The following TMEM178B variants were observed in gnomAD, a reference collection of about 807,000 sequenced individuals.
The protein encoded by TMEM178B is transmembrane protein 178B.
Under a neutral mutation model 31.0 loss-of-function variants are expected in TMEM178B, and 5 were observed. That is an observed-to-expected ratio of 0.16 (90% CI 0.08 to 0.34). The LOEUF is 0.34. Among genes scored for constraint, TMEM178B ranks in the 10% least tolerant of loss-of-function variants. The pLI is 1.00. For synonymous variants in TMEM178B, 164 were observed against 164.0 expected (o/e 1.00, Z 0.00); for missense variants, 275 against 400.3 (o/e 0.69, Z 2.67).
intron 2 of TMEM178B, among the ~76,000 whole-genome samples, chr7:141,233,096 C>G (rs1236366324): frequency 6.6e-6 from 1 of 152,166 alleles, no homozygotes; most frequent in Non-Finnish European, 1.5e-5. Context: ...CGATTGAAAC[C>G]TCAATCTTCC....
intron 2 of TMEM178B, among the ~76,000 whole-genome samples, chr7:141,432,760 C>G (rs866752312): frequency 6.6e-6 from 1 of 152,006 alleles, no homozygotes; most frequent in African/African-American, 2.4e-5. Flanking sequence ...TGTTTTTCTC[C>G]CCATTCATGG....
chr7:141,180,463 C>CAAAAAAAAAAAAAAA (rs57969132), intron 1 of TMEM178B, among the ~76,000 whole-genome samples: 6 of 83,266 alleles, frequency 7.2e-5, no homozygotes, highest in African/African-American at 8.9e-5. Context: ...GAGCCCATCT[C>CAAAAAAAAAAAAAAA]AAAAAAAAAA....
chr7:141,342,906 C>T (rs1799543784), intron 2 of TMEM178B, among the ~76,000 whole-genome samples: 1 of 152,180 alleles, frequency 6.6e-6, no homozygotes. Context: ...AACTTCCTGT[C>T]ATTATTTTGT....
At chr7:141,448,808 C>T (rs1339632251) in intron 3 of TMEM178B, among the ~76,000 whole-genome samples, 1 of 152,148 alleles carries the variant, frequency 6.6e-6, no homozygotes, top group Non-Finnish European at 1.5e-5. Flanking sequence ...CCTGAGGTCT[C>T]CTCCTGTCAG....
chr7:141,329,138 A>AG (rs1799249920), intron 2 of TMEM178B, among the ~76,000 whole-genome samples: 1 of 152,152 alleles, frequency 6.6e-6, no homozygotes, highest in East Asian at 1.9e-4. Context: ...AAATTCCCTG[A>AG]GGGGCACATC....
At chr7:141,325,470 A>G (rs914632071) in intron 2 of TMEM178B, among the ~76,000 whole-genome samples, 1 of 152,158 alleles carries the variant, frequency 6.6e-6, no homozygotes, top group African/African-American at 2.4e-5. Flanking sequence ...ACTGTCCCCC[A>G]GGGACCAAAG....
intron 2 of TMEM178B, among the ~76,000 whole-genome samples, chr7:141,377,883 C>G (rs1216708482): frequency 6.6e-6 from 1 of 152,104 alleles, no homozygotes; most frequent in Non-Finnish European, 1.5e-5. Flanking sequence ...CTCCATTTCC[C>G]TTACTGTTAA....
intron 2 of TMEM178B, among the ~76,000 whole-genome samples, chr7:141,303,137 C>A (rs750649635): frequency 5.3e-5 from 8 of 152,128 alleles, no homozygotes; most frequent in Non-Finnish European, 8.8e-5. Flanking sequence ...TTCCTTCCTG[C>A]CAGGCGTTCT....
rs1202210733 is a variant in TMEM178B, at chr7:141,475,905, G to A, written c.*5119G>A. On this transcript the variant is annotated 3_prime_UTR_variant, in exon 4 of 4. Transcript: ENST00000565468. ...AACAGTTACTGTAAATTTCACTACA[G>A]CTCTGCACTGAAATGATTTGTGACT... The A allele has an allele frequency of 6.6e-6, 1 of 151,886 alleles. No homozygotes were observed. Among genetic ancestry groups the A allele is most frequent in the Non-Finnish European group, 1.5e-5 (1 of 68,004 alleles). The allele number at this position is 151,886 out of a possible 1,614,324, so 9.4% of individuals were successfully genotyped here.
intron 1 of TMEM178B, among the ~76,000 whole-genome samples, chr7:141,197,434 A>G (rs1796801498): frequency 6.6e-6 from 1 of 152,140 alleles, no homozygotes; most frequent in Admixed American, 6.5e-5. Context: ...TCCTTTTTTC[A>G]GTTCTGTTTT....
intron 2 of TMEM178B, among the ~76,000 whole-genome samples, chr7:141,216,427 G>A (rs1321214240): frequency 1.4e-5 from 1 of 73,176 alleles, no homozygotes; most frequent in African/African-American, 4.3e-5. Flanking sequence ...TGAAGCCTGT[G>A]TGTGTGTGTG....
At chr7:141,360,133 A>G (rs1042123375) in intron 2 of TMEM178B, among the ~76,000 whole-genome samples, 1 of 152,302 alleles carries the variant, frequency 6.6e-6, no homozygotes, top group East Asian at 1.9e-4. Flanking sequence ...CAACTGACTT[A>G]TATTTATTTC....
intron 2 of TMEM178B, among the ~76,000 whole-genome samples, chr7:141,305,602 A>G (rs1798803928): frequency 6.6e-6 from 1 of 151,444 alleles, no homozygotes. Flanking sequence ...TAATTTTTGT[A>G]TTTTGTATTT....
intron 3 of TMEM178B, among the ~76,000 whole-genome samples, chr7:141,462,112 C>T (rs370405630): frequency 2.6e-5 from 4 of 152,242 alleles, no homozygotes; most frequent in East Asian, 1.9e-4. Context: ...GAGTAGAAAG[C>T]GGGACTGTGA....
chr7:141,356,380 G>GTT lies in TMEM178B; in HGVS notation c.497-81219_497-81218dup, dbSNP rs111845779. Among the ~76,000 whole-genome samples, 1,066 of 147,434 alleles carry GTT rather than the reference G, an allele frequency of 7.2e-3. 6 individuals carry two copies. The highest frequency in any genetic ancestry group is 8.3e-3 in the Non-Finnish European group (555 of 66,702). On this transcript the variant is annotated intron_variant, in intron 2 of 3. Transcript: ENST00000565468. ...TTTCTCTGACACCTCACTGACATCTGTTTTTTTTTTGGTCTTTTTAATAGT... is the reference window on the plus strand; with the variant it reads ...TTTCTCTGACACCTCACTGACATCTGTTTTTTTTTTTTGGTCTTTTTAATAGT...
downstream of TMEM178B, among the ~76,000 whole-genome samples, chr7:141,483,952 T>C (rs1327836421): frequency 6.6e-6 from 1 of 152,048 alleles, no homozygotes; most frequent in Non-Finnish European, 1.5e-5. Context: ...GCCAGGCTGG[T>C]CTCGAACTCC....
rs3035767 is a variant in TMEM178B, at chr7:141,247,204, TACACAC to T, written c.496+34520_496+34525del. 1.4e-3 allele frequency among the ~76,000 whole-genome samples: 207 copies of T among 149,972 alleles called. No homozygotes were observed. In the East Asian group the frequency reaches 0.014, roughly 10 times the overall value. On this transcript the variant is annotated intron_variant, in intron 2 of 3. Transcript: ENST00000565468. ...ATCTCTCTATATATAGGTTTCTCTC[TACACAC>T]ACACACACACACACACACAATTCAA...
rs536141299 is a variant in TMEM178B, at chr7:141,153,010, A to C, written c.383-59581A>C. ...GAAAGTAGATATTTTGTCTTAAGTC[A>C]CATGGCTGATAAATCGTGGAACCAA... On this transcript the variant is annotated intron_variant, in intron 1 of 3. Transcript: ENST00000565468. 7.5e-4 allele frequency among the ~76,000 whole-genome samples: 114 copies of C among 152,354 alleles called. 1 individual carries two copies. The Middle Eastern group carries it at 0.017, about 23-fold the overall frequency.
At chr7:141,359,928 G>T (rs971908026) in intron 2 of TMEM178B, among the ~76,000 whole-genome samples, 1 of 152,104 alleles carries the variant, frequency 6.6e-6, no homozygotes, top group African/African-American at 2.4e-5. Flanking sequence ...GAGCGAAAGG[G>T]GTTTCCCCCT....
Sources: gnomAD v4.1 joint callset for allele counts (sites outside exome capture counted in the v4.1 genomes callset) on GRCh38, gnomAD v4.1.1 for gene constraint, MANE v1.5 for transcripts, NCBI Gene and HGNC (gene_info 2026-07-23, HGNC 2026-07-21) for gene names.